RPS6KC1: variants seen among roughly 807,000 people sequenced by gnomAD.
The protein encoded by RPS6KC1 is ribosomal protein S6 kinase C1.
RPS6KC1 carries 54 observed loss-of-function variants against 103.8 expected under a neutral mutation model. The observed-to-expected ratio is 0.52, with a 90% confidence interval of 0.42 to 0.65. The LOEUF (loss-of-function observed/expected upper bound fraction) is 0.65, where lower values mean the gene tolerates loss of function less well. Among genes scored for constraint, RPS6KC1 ranks in the 30% least tolerant of loss-of-function variants. The pLI, the probability that RPS6KC1 is intolerant of heterozygous loss-of-function variation, is 0.00. For synonymous variants in RPS6KC1, 439 were observed against 438.7 expected, an observed-to-expected ratio of 1.00 and a Z score of -0.01; for missense variants, 1,151 against 1,253.8, an observed-to-expected ratio of 0.92 and a Z score of 1.24.
intron 1 of RPS6KC1, 54 bp downstream of exon 1, chr1:213,051,563 G>A: frequency 7.6e-7 from 1 of 1,317,260 alleles, no homozygotes; most frequent in Admixed American, 1.9e-5. Flanking sequence ...TGAGGATCTG[G>A]GGTGGGGACC....
the RPS6KC1 span, among the ~76,000 whole-genome samples, chr1:213,404,366 A>G: frequency 6.6e-6 from 1 of 152,226 alleles, no homozygotes; most frequent in Non-Finnish European, 1.5e-5. Context: ...GGGAGCTCCA[A>G]CAGTGTGGAT....
rs116831273 is a variant in RPS6KC1 at position 213,094,093 on chromosome 1, C to G, written c.263-10361C>G. On this transcript the variant is annotated intron_variant, in intron 3 of 14. Coordinates refer to ENST00000366960, the MANE Select transcript of RPS6KC1 (RefSeq NM_012424.6). ...AAATTTCAAATTTATGCTCCCCCCC[C>G]CCACCAAGAGAATAGTATAGTGAAC... Among the ~76,000 whole-genome samples, 1,060 of 151,704 alleles carry G rather than the reference C, an allele frequency of 7.0e-3. 14 individuals carry two copies. Among genetic ancestry groups the G allele is most frequent in the African/African-American group, 0.024 (1,003 of 41,270 alleles).
At chr1:213,730,217 A>G in the RPS6KC1 span, among the ~76,000 whole-genome samples, 2 of 152,194 alleles carry the variant, frequency 1.3e-5, no homozygotes, top group African/African-American at 4.8e-5. Context: ...TATTGTGAAT[A>G]GTGCTGCAAT....
the RPS6KC1 span, among the ~76,000 whole-genome samples, chr1:213,758,941 T>TA: frequency 1.5e-5 from 2 of 135,266 alleles, no homozygotes; most frequent in South Asian, 4.6e-4. Flanking sequence ...ACTTAGTTGA[T>TA]AAGGCAGTGG....
At chr1:213,786,884 T>G in the RPS6KC1 span, among the ~76,000 whole-genome samples, 1 of 152,164 alleles carries the variant, frequency 6.6e-6, no homozygotes, top group Admixed American at 6.6e-5. Flanking sequence ...CATCATCAGG[T>G]AGCTTCTCAA....
At chr1:213,450,345 T>C in the RPS6KC1 span, among the ~76,000 whole-genome samples, 3 of 152,258 alleles carry the variant, frequency 2.0e-5, no homozygotes, top group African/African-American at 7.2e-5. Context: ...TTTTTTTTTT[T>C]TTTTTGGATA....
the RPS6KC1 span, chr1:213,842,158 A>G: frequency 6.6e-6 from 1 of 152,500 alleles, no homozygotes; most frequent in South Asian, 2.1e-4. Context: ...ATACAGTCAC[A>G]TAGTCCTTGT....
At chr1:213,052,392 G>A (rs2077024374) in intron 1 of RPS6KC1, among the ~76,000 whole-genome samples, 1 of 152,164 alleles carries the variant, frequency 6.6e-6, no homozygotes, top group Non-Finnish European at 1.5e-5. Context: ...GGCAGTAGCA[G>A]ATCTGTCTGG....
the RPS6KC1 span, among the ~76,000 whole-genome samples, chr1:213,328,110 C>T: frequency 2.9e-3 from 435 of 152,222 alleles, 1 homozygote; most frequent in Non-Finnish European, 5.1e-3. Context: ...TTCTTGAGAG[C>T]GGGGCAGGAT....
chr1:213,709,012 C>T, the RPS6KC1 span, among the ~76,000 whole-genome samples: 1 of 151,998 alleles, frequency 6.6e-6, no homozygotes, highest in South Asian at 2.1e-4. Flanking sequence ...CTGAAATTTT[C>T]TTTTTTTGTT....
chr1:213,797,127 A>C, the RPS6KC1 span, among the ~76,000 whole-genome samples: 2 of 152,254 alleles, frequency 1.3e-5, no homozygotes, highest in Non-Finnish European at 2.9e-5. Flanking sequence ...AAAAGACAAG[A>C]GGAAGAAACC....
chr1:213,179,788 T>A (rs781341358), intron 8 of RPS6KC1, among the ~76,000 whole-genome samples: 8 of 152,222 alleles, frequency 5.3e-5, no homozygotes, highest in Non-Finnish European at 1.0e-4. Context: ...GACTGTAAGC[T>A]CTGTGAAAAC....
chr1:213,426,107 G>A, the RPS6KC1 span, among the ~76,000 whole-genome samples: 3 of 152,172 alleles, frequency 2.0e-5, no homozygotes, highest in African/African-American at 2.4e-5. Flanking sequence ...CAGAGCCAGA[G>A]TTAACCTGAG....
At chr1:213,789,908 G>A in the RPS6KC1 span, among the ~76,000 whole-genome samples, 1 of 151,660 alleles carries the variant, frequency 6.6e-6, no homozygotes, top group African/African-American at 2.4e-5. Context: ...TAAGTGTTGT[G>A]TTCAAGGCCA....
chr1:213,769,079 A>T, the RPS6KC1 span, among the ~76,000 whole-genome samples: 2 of 152,272 alleles, frequency 1.3e-5, no homozygotes, highest in East Asian at 3.9e-4. Context: ...GCAATTCTTG[A>T]CTTAGCTTTG....
In RPS6KC1 at chr1:213,087,271, A is replaced by G. The variant is rs532233559; in HGVS notation, c.262+9455A>G. Among the ~76,000 whole-genome samples the G allele has an allele frequency of 2.6e-5, 4 of 152,346 alleles. No homozygotes were observed. In the South Asian group the frequency reaches 8.3e-4, roughly 32 times the overall value. ...GGCATTTATTTGTCTATTCTTATAT[A>G]AATACCTATGTCTATATCACATTGA... On this transcript the variant is annotated intron_variant, in intron 3 of 14. Coordinates refer to ENST00000366960, the MANE Select transcript of RPS6KC1 (RefSeq NM_012424.6).
chr1:213,278,591 A>G (rs1407326511), downstream of RPS6KC1, among the ~76,000 whole-genome samples: 1 of 152,216 alleles, frequency 6.6e-6, no homozygotes, highest in African/African-American at 2.4e-5. Flanking sequence ...GTATGCTTCT[A>G]CTGCTCTCTC....
chr1:213,399,340 T>C, the RPS6KC1 span, among the ~76,000 whole-genome samples: 1 of 152,134 alleles, frequency 6.6e-6, no homozygotes, highest in South Asian at 2.1e-4. Context: ...GGAGCAGCTT[T>C]CTGGAGGAGA....
At chr1:213,085,278 G>A (rs2080281104) in intron 3 of RPS6KC1, among the ~76,000 whole-genome samples, 1 of 152,042 alleles carries the variant, frequency 6.6e-6, no homozygotes, top group Non-Finnish European at 1.5e-5. Context: ...TTGTGAAATT[G>A]CCCTCGACTC....
Sources: gnomAD v4.1 joint callset for allele counts (sites outside exome capture counted in the v4.1 genomes callset) on GRCh38, gnomAD v4.1.1 for gene constraint, MANE v1.5 for transcripts, NCBI Gene and HGNC (gene_info 2026-07-23, HGNC 2026-07-21) for gene names.